Variants in ADGRF1 observed in about 807,000 individuals in gnomAD.
The protein encoded by ADGRF1 is adhesion G protein-coupled receptor F1.
ADGRF1 carries 85 observed loss-of-function variants against 87.2 expected under a neutral mutation model. The ratio of observed to expected loss-of-function variants is 0.97; its 90% CI spans 0.82 to 1.17. ADGRF1 has a LOEUF of 1.17. ADGRF1 is among the 50% of genes most tolerant of loss of function. The probability of loss-of-function intolerance (pLI) is 0.00; values close to 1 mark genes in which losing one functional copy is unlikely to be tolerated. For synonymous variants in ADGRF1, 430 were observed against 408.8 expected, an observed-to-expected ratio of 1.05 and a Z score of -0.63; for missense variants, 1,169 against 1,077.2, an observed-to-expected ratio of 1.09 and a Z score of -1.19.
chr6:47,013,301 T>A (rs946802365), intron 9 of ADGRF1: 12 of 985,366 alleles, frequency 1.2e-5, no homozygotes, highest in Non-Finnish European at 1.4e-5. Flanking sequence ...ATTGCTCATG[T>A]CCAGAATTGA....
At chr6:47,012,333 C>A in intron 9 of ADGRF1, 138 bp from the exon 10 acceptor site, 1 of 1,399,978 alleles carries the variant, frequency 7.1e-7, no homozygotes, top group Non-Finnish European at 9.3e-7. Flanking sequence ...ACAATAGTAA[C>A]AAAGGCTGTT....
At position 47,016,613 on chromosome 6, in the gene ADGRF1, T is replaced by G; in HGVS notation, c.763+4A>C. 1 of 1,595,756 alleles carries G rather than the reference T, an allele frequency of 6.3e-7. No individual in the cohort carries two copies. Among genetic ancestry groups the G allele is most frequent in the Non-Finnish European group, 8.6e-7 (1 of 1,167,000 alleles). On this transcript the variant is annotated splice_donor_region_variant and intron_variant, in intron 8 of 14. Coordinates refer to ENST00000371253, the MANE Select transcript of ADGRF1 (RefSeq NM_153840.4). Reference sequence around the variant, plus strand: ...CTAAGCAGAGGATGGGAATCCAGCATTACCTTTTCCGAACACTCTGAAAGA... The same window carrying G: ...CTAAGCAGAGGATGGGAATCCAGCAGTACCTTTTCCGAACACTCTGAAAGA...
rs1456993736 is a variant in ADGRF1 at position 47,041,574 on chromosome 6, G to A, written c.-44+617C>T. On this transcript the variant is annotated intron_variant, in intron 1 of 14. Coordinates refer to ENST00000371253, the MANE Select transcript of ADGRF1 (RefSeq NM_153840.4). ...AAAAGAAAAATTATATATTTTCAAG[G>A]CCTCTACTAAGAAAATACAGTGTGA... 1.5e-4 allele frequency among the ~76,000 whole-genome samples: 23 copies of A among 152,222 alleles called. No homozygotes were observed. The East Asian group carries it at 2.9e-3, about 19-fold the overall frequency.
chr6:47,013,434 T>G, intron 9 of ADGRF1: 4 of 985,446 alleles, frequency 4.1e-6, no homozygotes, highest in Non-Finnish European at 4.8e-6. Context: ...ATGAATACTA[T>G]TCTGGGGTTT....
chr6:47,018,186 T>G, intron 7 of ADGRF1: 1 of 297,796 alleles, frequency 3.4e-6, no homozygotes, highest in Middle Eastern at 1.3e-3. Context: ...TTCAGGGGAG[T>G]GCCCGAGCTC....
chr6:47,015,728 C>T (rs1779852243), intron 8 of ADGRF1, among the ~76,000 whole-genome samples: 1 of 151,286 alleles, frequency 6.6e-6, no homozygotes, highest in East Asian at 1.9e-4. Flanking sequence ...GCTGGGATTA[C>T]AGGTGTGTGC....
intron 1 of ADGRF1, among the ~76,000 whole-genome samples, chr6:47,040,584 C>T (rs189715890): frequency 2.0e-5 from 3 of 151,740 alleles, no homozygotes; most frequent in Non-Finnish European, 4.4e-5. Flanking sequence ...TGTCCTTAAG[C>T]AAAATTGTGA....
rs1050176298 is a variant in ADGRF1 at position 47,005,666 on chromosome 6, G to A, written c.2592+151C>T. ...TCAACAACTCTTTACTACCACTCATGTGCCAGGCTCCATGTCAGATACCAG... is the reference window on the plus strand; with the variant it reads ...TCAACAACTCTTTACTACCACTCATATGCCAGGCTCCATGTCAGATACCAG... On this transcript the variant is annotated intron_variant, in intron 13 of 14. Coordinates refer to ENST00000371253, the MANE Select transcript of ADGRF1 (RefSeq NM_153840.4). 5.3e-6 allele frequency: 3 copies of A among 562,574 alleles called. No homozygotes were observed. In the South Asian group the frequency reaches 7.2e-5, roughly 13 times the overall value. The allele number at this position is 562,574 out of a possible 1,614,324, so 34.8% of individuals were successfully genotyped here.
chr6:47,031,885 T>A (rs1341257343), intron 1 of ADGRF1, among the ~76,000 whole-genome samples: 1 of 152,030 alleles, frequency 6.6e-6, no homozygotes, highest in Non-Finnish European at 1.5e-5. Context: ...TTCTTTTAAT[T>A]TTTTTTGTAG....
At chr6:47,007,201 G>T in intron 12 of ADGRF1, 52 bp downstream of exon 12, 2 of 1,077,112 alleles carry the variant, frequency 1.9e-6, no homozygotes, top group Non-Finnish European at 2.8e-6. Context: ...CAAAGGGGAG[G>T]GGGCCTAAGA....
At position 47,010,136 on chromosome 6, in the gene ADGRF1, C is replaced by T. The variant is rs1451598268; in HGVS notation, c.1299G>A (p.Gly433=). The change falls in exon 11 of 15, where the codon GGG becomes GGA. Residue 433 remains glycine (G), a synonymous_variant. Transcript: ENST00000371253. ...NFSRKFIDWK[G]IPVNKSQLKR... ...TGAGTTGGCTTTTGTTCACTGGAAT[C>T]CCTTTCCAGTCAATGAATTTCCGAG... is the stretch of plus-strand genomic sequence containing the variant. The T allele has an allele frequency of 6.2e-7, 1 of 1,614,104 alleles. No homozygotes were observed. The highest frequency in any genetic ancestry group is 1.7e-5 in the Admixed American group (1 of 60,018).
At chr6:47,023,821 A>G (rs183257145) in intron 5 of ADGRF1, among the ~76,000 whole-genome samples, 28 of 152,268 alleles carry the variant, frequency 1.8e-4, no homozygotes, top group Admixed American at 5.9e-4. Flanking sequence ...AGCTGGATGG[A>G]CCTAAAGGTT....
At position 47,000,141 on chromosome 6, in the gene ADGRF1, G is replaced by T; in HGVS notation, c.*81C>A. 9.5e-7 allele frequency: 1 copy of T among 1,054,014 alleles called. No individual in the cohort carries two copies. Among genetic ancestry groups the T allele is most frequent in the Middle Eastern group, 2.4e-4 (1 of 4,110 alleles). 65.3% of individuals were successfully genotyped at this position (1,054,014 alleles called of 1,614,324 possible). ...AAATCAGAAAACCCGATCGAATACT[G>T]AGCATAATTTCTTCATTGACATTTG... is the stretch of plus-strand genomic sequence containing the variant. On this transcript the variant is annotated 3_prime_UTR_variant, in exon 15 of 15. Coordinates refer to ENST00000371253, the MANE Select transcript of ADGRF1 (RefSeq NM_153840.4).
chr6:47,012,167 G>C lies in ADGRF1; in HGVS notation c.956C>G (p.Thr319Ser). ...CACGAAGGATGACACAGCTGCCTCA[G>C]TGGCATTGCCTACAATCATACTGAA... is the stretch of plus-strand genomic sequence containing the variant. Reference protein sequence around the residue: ...KNFSMIVGNATEAAVSSFVQN... With the variant: ...KNFSMIVGNASEAAVSSFVQN... Residue 319 changes from threonine (T) to serine (S), a missense_variant, in exon 10 of 15, where the codon ACT becomes AGT. Transcript: ENST00000371253. 6.2e-7 allele frequency: 1 copy of C among 1,613,718 alleles called. No homozygotes were observed. Among genetic ancestry groups the C allele is most frequent in the Non-Finnish European group, 8.5e-7 (1 of 1,179,644 alleles).
intron 7 of ADGRF1, chr6:47,020,146 T>A: frequency 9.2e-7 from 1 of 1,092,406 alleles, no homozygotes; most frequent in Non-Finnish European, 1.1e-6. Flanking sequence ...GCCCTACTGC[T>A]ATTGTTTTGT....
chr6:47,040,882 C>T (rs775575171), intron 1 of ADGRF1, among the ~76,000 whole-genome samples: 5 of 152,164 alleles, frequency 3.3e-5, no homozygotes, highest in Non-Finnish European at 5.9e-5. Context: ...TTTCCTTGCC[C>T]TCAGCCCAGC....
Position 47,009,198 on chromosome 6 carries a change from G to T in ADGRF1, c.2237C>A (p.Ala746Asp). ...AATAGCCAGTGCAGGGACAACAAAA[G>T]CCAGGAGTGGTTTGCTTCCATTGGA... is the stretch of plus-strand genomic sequence containing the variant. ...NWSNGSKPLL[A>D]FVVPALAIVA... is the part of the protein sequence containing the mutation. Residue 746 changes from alanine (A) to aspartate (D), a missense_variant, in exon 11 of 15, where the codon GCT becomes GAT. Physicochemically the swap from Ala to Asp is moderately radical, Grantham distance 126. Transcript: ENST00000371253. The T allele has an allele frequency of 1.9e-6, 3 of 1,614,176 alleles. No individual in the cohort carries two copies. The highest frequency in any genetic ancestry group is 1.1e-5 in the South Asian group (1 of 91,084).
At chr6:47,016,127 T>C (rs887077805) in intron 8 of ADGRF1, among the ~76,000 whole-genome samples, 1 of 152,202 alleles carries the variant, frequency 6.6e-6, no homozygotes, top group Non-Finnish European at 1.5e-5. Flanking sequence ...AGAATAAATG[T>C]TGTTGAAAGA....
intron 11 of ADGRF1, among the ~76,000 whole-genome samples, chr6:47,008,024 T>C (rs1779581796): frequency 6.6e-6 from 1 of 152,226 alleles, no homozygotes; most frequent in Non-Finnish European, 1.5e-5. Context: ...TGCTAAATTA[T>C]CTCATTTAAC....
Sources: gnomAD v4.1 joint callset for allele counts (sites outside exome capture counted in the v4.1 genomes callset) on GRCh38, gnomAD v4.1.1 for gene constraint, MANE v1.5 for transcripts, NCBI Gene and HGNC (gene_info 2026-07-23, HGNC 2026-07-21) for gene names.